DIAPH3: variants seen among roughly 807,000 people sequenced by gnomAD.
DIAPH3 encodes the protein protein diaphanous homolog 3.
DIAPH3 carries 117 observed loss-of-function variants against 144.3 expected under a neutral mutation model. The ratio of observed to expected loss-of-function variants is 0.81; its 90% confidence interval spans 0.70 to 0.95. DIAPH3 has a LOEUF of 0.95. Ranked by LOEUF, DIAPH3 falls within the 40% of genes least tolerant of loss-of-function variation. DIAPH3 has a pLI of 0.00. For missense variants in DIAPH3, 1,421 were observed against 1,412.7 expected, an observed-to-expected ratio of 1.01 and a Z score of -0.09; for synonymous variants, 519 against 488.9, an observed-to-expected ratio of 1.06 and a Z score of -0.81.
intron 16 of DIAPH3, among the ~76,000 whole-genome samples, 156 bp downstream of exon 16, chr13:59,970,696 T>C (rs1219617166): frequency 6.6e-6 from 1 of 152,194 alleles, no homozygotes; most frequent in Non-Finnish European, 1.5e-5. Context: ...AAAAAAGCTA[T>C]TTTATTGTCA....
chr13:59,974,974 C>A (rs764603511), intron 14 of DIAPH3, among the ~76,000 whole-genome samples: 18 of 151,890 alleles, frequency 1.2e-4, no homozygotes, highest in Non-Finnish European at 1.0e-4. Flanking sequence ...CTCCTGATAT[C>A]TTTGGGAAAG....
At chr13:59,955,776 C>A (rs2049367127) in intron 17 of DIAPH3, among the ~76,000 whole-genome samples, 1 of 152,108 alleles carries the variant, frequency 6.6e-6, no homozygotes, top group Admixed American at 6.5e-5. Flanking sequence ...TGGTTTTAAC[C>A]AAAATGCTGA....
intron 9 of DIAPH3, among the ~76,000 whole-genome samples, chr13:60,001,603 C>A (rs1333253817): frequency 6.6e-6 from 1 of 152,242 alleles, no homozygotes; most frequent in African/African-American, 2.4e-5. Context: ...CCAACAACTA[C>A]AAACAACACT....
chr13:59,700,171 G>A (rs937308635), intron 27 of DIAPH3, among the ~76,000 whole-genome samples: 1 of 152,050 alleles, frequency 6.6e-6, no homozygotes, highest in African/African-American at 2.4e-5. Context: ...TCTACCATGG[G>A]GAAAGATGAA....
intron 1 of DIAPH3, among the ~76,000 whole-genome samples, chr13:60,150,645 G>GAGGA (rs1270643732): frequency 1.3e-5 from 2 of 152,188 alleles, no homozygotes; most frequent in African/African-American, 4.8e-5. Flanking sequence ...TAGCAGCACT[G>GAGGA]AGGACACACA....
chr13:59,906,133 A>G (rs1316290477), intron 20 of DIAPH3, among the ~76,000 whole-genome samples: 1 of 152,254 alleles, frequency 6.6e-6, no homozygotes, highest in African/African-American at 2.4e-5. Flanking sequence ...ACAAAGATGT[A>G]TACAGAATTA....
At chr13:59,888,836 T>A (rs1219664629) in intron 20 of DIAPH3, among the ~76,000 whole-genome samples, 2 of 152,096 alleles carry the variant, frequency 1.3e-5, no homozygotes, top group East Asian at 1.9e-4. Context: ...TATTTTTTTT[T>A]AAGACATCCA....
intron 24 of DIAPH3, among the ~76,000 whole-genome samples, chr13:59,826,672 A>T (rs978686823): frequency 6.6e-5 from 10 of 151,906 alleles, no homozygotes; most frequent in African/African-American, 2.4e-4. Flanking sequence ...ACAAAATTGG[A>T]AAAAACTACT....
In DIAPH3 at chr13:59,969,992, C is replaced by A. The variant is rs200920639; in HGVS notation, c.2026G>T (p.Val676Leu). 1 of 1,609,814 alleles carries A rather than the reference C, an allele frequency of 6.2e-7. No individual in the cohort carries two copies. Among genetic ancestry groups the A allele is most frequent in the Non-Finnish European group, 8.5e-7 (1 of 1,177,572 alleles). The change falls in exon 17 of 28, where the codon GTG (valine) becomes TTG (leucine). Residue 676 changes from valine to leucine, a missense_variant. Val to Leu is a conservative substitution (Grantham distance 32). Coordinates refer to ENST00000400324, the MANE Select transcript of DIAPH3 (RefSeq NM_001042517.2). ...IKVNENKYEN[V>L]DLLCKLENTF... ...TTCTCAAGTTTACAAAGCAAATCCACGTTTTCATACTTATTTTCATTTACT... is the reference window on the plus strand; with the variant it reads ...TTCTCAAGTTTACAAAGCAAATCCAAGTTTTCATACTTATTTTCATTTACT...
chr13:60,073,927 G>A (rs1172333482), intron 4 of DIAPH3, among the ~76,000 whole-genome samples: 1 of 152,194 alleles, frequency 6.6e-6, no homozygotes, highest in Admixed American at 6.5e-5. Context: ...CATCTGCACT[G>A]TGGCAAAATG....
chr13:60,126,145 C>T (rs183728953), intron 2 of DIAPH3, among the ~76,000 whole-genome samples: 4 of 151,784 alleles, frequency 2.6e-5, no homozygotes, highest in Middle Eastern at 3.4e-3. Context: ...CACTACATAC[C>T]GAGGGAAAGA....
At chr13:59,763,731 T>C (rs914336128) in intron 27 of DIAPH3, among the ~76,000 whole-genome samples, 2 of 152,130 alleles carry the variant, frequency 1.3e-5, no homozygotes, top group African/African-American at 4.8e-5. Context: ...TTGTGGTGTT[T>C]TGCTTGAAAT....
At chr13:60,093,490 ACT>A in intron 4 of DIAPH3, 136 bp downstream of exon 4, 1 of 640,600 alleles carries the variant, frequency 1.6e-6, no homozygotes, top group Non-Finnish European at 2.8e-6. Context: ...TGTATAATAT[ACT>A]TGTGCCCTTA....
At chr13:59,722,804 G>A (rs887347027) in intron 27 of DIAPH3, among the ~76,000 whole-genome samples, 10 of 152,104 alleles carry the variant, frequency 6.6e-5, no homozygotes, top group South Asian at 2.1e-4. Flanking sequence ...ATCATAGAGC[G>A]GGGAGCAAAT....
chr13:59,732,515 C>CACT (rs1440506916), intron 27 of DIAPH3, among the ~76,000 whole-genome samples: 4 of 151,620 alleles, frequency 2.6e-5, no homozygotes, highest in Non-Finnish European at 5.9e-5. Context: ...AATCACAGCT[C>CACT]ACTGCAGCCT....
At chr13:59,811,983 C>T (rs2040501438) in intron 24 of DIAPH3, among the ~76,000 whole-genome samples, 1 of 151,804 alleles carries the variant, frequency 6.6e-6, no homozygotes, top group African/African-American at 2.4e-5. Flanking sequence ...TATTAAACAC[C>T]AATGAAACCA....
At chr13:59,762,955 G>A (rs1180494940) in intron 27 of DIAPH3, among the ~76,000 whole-genome samples, 1 of 152,068 alleles carries the variant, frequency 6.6e-6, no homozygotes, top group African/African-American at 2.4e-5. Flanking sequence ...ATGGGAAGAT[G>A]CAGTAAGAAG....
At chr13:60,099,145 T>C (rs534351678) in intron 3 of DIAPH3, among the ~76,000 whole-genome samples, 2 of 152,152 alleles carry the variant, frequency 1.3e-5, no homozygotes, top group Non-Finnish European at 2.9e-5. Context: ...TTATGAATTA[T>C]CTCATTCATA....
chr13:59,680,699 T>TA (rs887489375), intron 27 of DIAPH3, among the ~76,000 whole-genome samples: 6 of 152,182 alleles, frequency 3.9e-5, no homozygotes, highest in Admixed American at 6.5e-5. Context: ...TTTGGTGACT[T>TA]AAAAAATATA....
Sources: gnomAD v4.1 joint callset for allele counts (sites outside exome capture counted in the v4.1 genomes callset) on GRCh38, gnomAD v4.1.1 for gene constraint, MANE v1.5 for transcripts, NCBI Gene and HGNC (gene_info 2026-07-23, HGNC 2026-07-21) for gene names.